The following ACSBG2 variants were observed in gnomAD, a reference collection of about 807,000 sequenced individuals.
ACSBG2 encodes the protein long-chain-fatty-acid--CoA ligase ACSBG2.
A neutral mutation model predicts 74.7 loss-of-function variants in ACSBG2; 62 were observed. The ratio of observed to expected loss-of-function variants is 0.83; its 90% confidence interval spans 0.68 to 1.03. ACSBG2 has a LOEUF of 1.03. Ranked by LOEUF, ACSBG2 falls within the 50% of genes least tolerant of loss-of-function variation. ACSBG2 has a pLI of 0.00. For missense variants in ACSBG2, 730 were observed against 817.6 expected, an observed-to-expected ratio of 0.89 and a Z score of 1.31; for synonymous variants, 309 against 294.1, an observed-to-expected ratio of 1.05 and a Z score of -0.52.
At chr19:6,178,492 G>T (rs991109577) in intron 8 of ACSBG2, among the ~76,000 whole-genome samples, 1 of 151,870 alleles carries the variant, frequency 6.6e-6, no homozygotes, top group Non-Finnish European at 1.5e-5. Context: ...AGCAATTCTC[G>T]TGCCTTAGCC....
chr19:6,143,992 A>T (rs1377953477), intron 2 of ACSBG2, among the ~76,000 whole-genome samples: 1 of 148,610 alleles, frequency 6.7e-6, no homozygotes, highest in East Asian at 1.9e-4. Context: ...TTTTTTTGTT[A>T]GTTAGTTTGT....
At chr19:6,153,190 G>A (rs62107241) in intron 4 of ACSBG2, among the ~76,000 whole-genome samples, 7,896 of 152,216 alleles carry the variant, frequency 0.052, 278 homozygotes, top group Non-Finnish European at 0.078. Flanking sequence ...AGCCTGCAGT[G>A]AGCCGAGATC....
intron 6 of ACSBG2, among the ~76,000 whole-genome samples, chr19:6,164,506 C>G (rs1194455578): frequency 1.3e-5 from 2 of 150,154 alleles, no homozygotes; most frequent in Non-Finnish European, 2.9e-5. Flanking sequence ...GATCTTGGCT[C>G]ACTGCAATCT....
intron 8 of ACSBG2, among the ~76,000 whole-genome samples, chr19:6,181,821 C>CCCCCCCG (rs1441586477): frequency 3.6e-4 from 44 of 122,812 alleles, no homozygotes; most frequent in African/African-American, 1.4e-3. Flanking sequence ...CCGCCCCCCC[C>CCCCCCCG]CCCAACGAAA....
At chr19:6,166,275 G>C (rs539469209) in intron 7 of ACSBG2, among the ~76,000 whole-genome samples, 59 of 112,464 alleles carry the variant, frequency 5.2e-4, no homozygotes, top group African/African-American at 3.0e-3. Flanking sequence ...TGTGAGTCAG[G>C]AAGGTTGTGT....
intron 4 of ACSBG2, among the ~76,000 whole-genome samples, chr19:6,155,218 T>C (rs773881429): frequency 1.4e-4 from 21 of 152,158 alleles, no homozygotes; most frequent in Non-Finnish European, 2.9e-4. Context: ...AGTAGTTCAG[T>C]GGTGCTGGAC....
intron 8 of ACSBG2, among the ~76,000 whole-genome samples, chr19:6,181,929 C>T (rs979187944): frequency 2.0e-5 from 3 of 150,452 alleles, no homozygotes; most frequent in Non-Finnish European, 2.9e-5. Context: ...TCTGTCTTTA[C>T]GCCAAAGCCT....
At chr19:6,155,808 A>AAAAAAAT (rs1555691993) in intron 4 of ACSBG2, among the ~76,000 whole-genome samples, 1 of 148,082 alleles carries the variant, frequency 6.8e-6, no homozygotes, top group Non-Finnish European at 1.5e-5. Flanking sequence ...AAAAAAAAAA[A>AAAAAAAT]TGGTGAACAG....
chr19:6,141,442 T>G, intron 1 of ACSBG2, 71 bp from the exon 2 acceptor site: 1 of 759,628 alleles, frequency 1.3e-6, no homozygotes, highest in East Asian at 2.5e-5. Flanking sequence ...GACCAGTGGA[T>G]GGAAGAGTTG....
In ACSBG2 at chr19:6,158,095, G is replaced by A. The variant is rs895706676; in HGVS notation, c.507+1544G>A. Among the ~76,000 whole-genome samples, 10 of 144,000 alleles carry A rather than the reference G, an allele frequency of 6.9e-5. No individual in the cohort carries two copies. The East Asian group carries it at 8.1e-4, about 12-fold the overall frequency. 94.5% of individuals were successfully genotyped at this position (144,000 alleles called of 152,430 possible). ...TTTTGAGACAGAGTCTCGCTCTGTC[G>A]CCCAGGTTGGAGTGCAGTGGCACAA... On this transcript the variant is annotated intron_variant, in intron 5 of 14. Coordinates refer to ENST00000588485, the MANE Select transcript of ACSBG2 (RefSeq NM_030924.5).
chr19:6,190,687 C>G lies in ACSBG2; in HGVS notation c.*30C>G. The stretch of plus-strand genomic sequence containing the variant: ...TTTGATGGAGCTGCTCTCAGCTGTT[C>G]TGATGGTGAGATTCAGTTGCTTGGC... On this transcript the variant is annotated 3_prime_UTR_variant, in exon 14 of 15. Coordinates refer to ENST00000588485, the MANE Select transcript of ACSBG2 (RefSeq NM_030924.5). The G allele has an allele frequency of 6.2e-7, 1 of 1,602,018 alleles. No individual in the cohort carries two copies. Among genetic ancestry groups the G allele is most frequent in the Non-Finnish European group, 8.6e-7 (1 of 1,169,102 alleles).
At chr19:6,153,859 TAAAGA>T (rs10596493) in intron 4 of ACSBG2, among the ~76,000 whole-genome samples, 18,824 of 111,876 alleles carry the variant, frequency 0.17, 3,174 homozygotes, top group African/African-American at 0.45. Context: ...AAAATAAAAG[TAAAGA>T]AAAGAAAAGA....
At chr19:6,166,614 A>G (rs562641519) in intron 7 of ACSBG2, among the ~76,000 whole-genome samples, 3 of 147,434 alleles carry the variant, frequency 2.0e-5, no homozygotes, top group African/African-American at 7.6e-5. Context: ...CGCCCAGCCT[A>G]CTTTATTTTT....
chr19:6,185,406 G>A, intron 10 of ACSBG2, 30 bp from the exon 11 acceptor site: 1 of 1,611,992 alleles, frequency 6.2e-7, no homozygotes. Flanking sequence ...GTCCCTATGA[G>A]CCTGTTTCTC....
intron 14 of ACSBG2, 118 bp downstream of exon 14, chr19:6,190,810 C>T (rs200922303): frequency 3.9e-6 from 2 of 514,220 alleles, no homozygotes; most frequent in African/African-American, 5.1e-5. Flanking sequence ...TACACACATA[C>T]ATACACACAC....
chr19:6,166,841 G>A (rs779920672), intron 7 of ACSBG2, among the ~76,000 whole-genome samples: 19 of 151,900 alleles, frequency 1.3e-4, no homozygotes, highest in Non-Finnish European at 1.5e-4. Flanking sequence ...GTTTCACCAC[G>A]TTGACCAGGC....
intron 14 of ACSBG2, chr19:6,192,070 C>CCAAAAAAAAAAAAAAAAAA (rs2090578125): frequency 2.5e-5 from 1 of 40,800 alleles, no homozygotes; most frequent in Non-Finnish European, 4.3e-5. Context: ...AAGCACAGCA[C>CCAAAAAAAAAAAAAAAAAA]CAAAAAAAAA....
At chr19:6,190,260 C>A in intron 13 of ACSBG2, 1 of 246,838 alleles carries the variant, frequency 4.1e-6, no homozygotes, top group Non-Finnish European at 8.2e-6. Flanking sequence ...CTCTATGCCC[C>A]AGTTTCCTCA....
chr19:6,165,802 G>C (rs745805270), intron 6 of ACSBG2, 64 bp from the exon 7 acceptor site: 73 of 1,590,030 alleles, frequency 4.6e-5, no homozygotes, highest in Non-Finnish European at 6.3e-5. Flanking sequence ...ATAGGACGAG[G>C]TCTGGCTGGG....
Sources: gnomAD v4.1 joint callset for allele counts (sites outside exome capture counted in the v4.1 genomes callset) on GRCh38, gnomAD v4.1.1 for gene constraint, MANE v1.5 for transcripts, NCBI Gene and HGNC (gene_info 2026-07-23, HGNC 2026-07-21) for gene names.